PSD3: variants seen among roughly 807,000 people sequenced by gnomAD.
The protein encoded by PSD3 is pleckstrin and Sec7 domain containing 3.
Under a neutral mutation model 105.5 loss-of-function variants are expected in PSD3, and 49 were observed. The ratio of observed to expected loss-of-function variants is 0.46; its 90% CI spans 0.37 to 0.59. The LOEUF (loss-of-function observed/expected upper bound fraction) is 0.59. Ranked by LOEUF, PSD3 falls within the 20% of genes least tolerant of loss-of-function variation. PSD3 has a pLI of 0.00. For synonymous variants in PSD3, 557 were observed against 457.8 expected (o/e 1.22, Z -2.77); for missense variants, 1,561 against 1,263.8 (o/e 1.24, Z -3.57).
At chr8:18,637,852 TATC>T (rs1034832518) in intron 10 of PSD3, among the ~76,000 whole-genome samples, 2 of 152,172 alleles carry the variant, frequency 1.3e-5, no homozygotes, top group African/African-American at 4.8e-5. Context: ...ATTATTCTAT[TATC>T]ATCATTAAGA....
intron 9 of PSD3, among the ~76,000 whole-genome samples, chr8:18,740,317 C>T (rs1266377343): frequency 6.6e-6 from 1 of 152,162 alleles, no homozygotes; most frequent in Non-Finnish European, 1.5e-5. Flanking sequence ...TCTCTCTCTC[C>T]TCGGAATCTG....
intron 1 of PSD3, among the ~76,000 whole-genome samples, chr8:18,963,544 C>A (rs11775276): frequency 0.41 from 61,945 of 151,870 alleles, 12,879 homozygotes; most frequent in African/African-American, 0.43. Context: ...TTCTCTCAAA[C>A]CGATTCAGAG....
chr8:18,545,130 T>A (rs1585209593), intron 15 of PSD3, among the ~76,000 whole-genome samples: 2 of 152,374 alleles, frequency 1.3e-5, no homozygotes, highest in South Asian at 4.1e-4. Context: ...ACTGTTTCTC[T>A]AGCTCTCAAA....
intron 13 of PSD3, among the ~76,000 whole-genome samples, chr8:18,573,175 A>G (rs1344108836): frequency 6.6e-6 from 1 of 152,200 alleles, no homozygotes; most frequent in Non-Finnish European, 1.5e-5. Context: ...AGAGAAATAA[A>G]AACATATAGA....
chr8:18,780,657 C>A (rs1056404169), intron 8 of PSD3, among the ~76,000 whole-genome samples: 2 of 152,026 alleles, frequency 1.3e-5, no homozygotes, highest in Non-Finnish European at 2.9e-5. Context: ...GGGTTCACGC[C>A]ATTCTCCTAC....
At chr8:19,076,347 G>A (rs895243947) in intron 1 of PSD3, among the ~76,000 whole-genome samples, 4 of 152,110 alleles carry the variant, frequency 2.6e-5, no homozygotes, top group Non-Finnish European at 5.9e-5. Flanking sequence ...GGCCTGTAGT[G>A]GATTTAGAAA....
At chr8:18,558,454 C>T (rs1801206790) in intron 14 of PSD3, among the ~76,000 whole-genome samples, 1 of 152,068 alleles carries the variant, frequency 6.6e-6, no homozygotes, top group African/African-American at 2.4e-5. Flanking sequence ...TAAATGGAAA[C>T]TCCCTACACA....
chr8:18,616,077 T>C (rs10106755), intron 11 of PSD3, among the ~76,000 whole-genome samples: 96,859 of 152,116 alleles, frequency 0.64, 31,075 homozygotes, highest in Middle Eastern at 0.78. Flanking sequence ...ACTTCAAGCT[T>C]TGCCTACTGA....
chr8:18,614,933 C>A (rs1203222591), intron 11 of PSD3, among the ~76,000 whole-genome samples: 1 of 151,942 alleles, frequency 6.6e-6, no homozygotes, highest in Non-Finnish European at 1.5e-5. Context: ...ACTGCACAGG[C>A]CTCATAATTC....
chr8:18,960,597 T>C (rs1823853355), intron 1 of PSD3, among the ~76,000 whole-genome samples: 2 of 152,184 alleles, frequency 1.3e-5, no homozygotes, highest in Non-Finnish European at 2.9e-5. Context: ...AGTGACATTG[T>C]TCACACAACA....
At chr8:18,661,435 G>A (rs192101251) in intron 9 of PSD3, among the ~76,000 whole-genome samples, 9 of 152,146 alleles carry the variant, frequency 5.9e-5, no homozygotes, top group Middle Eastern at 3.4e-3. Context: ...AAAAGACACT[G>A]GTTAAAAATT....
chr8:18,870,528 C>A (rs936965287), intron 3 of PSD3, among the ~76,000 whole-genome samples: 5 of 151,954 alleles, frequency 3.3e-5, no homozygotes, highest in African/African-American at 1.2e-4. Context: ...CGGGCCCTGT[C>A]GGGGTGTTGG....
At chr8:18,706,901 T>G (rs1176714269) in intron 9 of PSD3, among the ~76,000 whole-genome samples, 1 of 152,208 alleles carries the variant, frequency 6.6e-6, no homozygotes, top group Non-Finnish European at 1.5e-5. Context: ...AGCATTTATT[T>G]AAATTAATAA....
intron 2 of PSD3, among the ~76,000 whole-genome samples, chr8:18,883,273 C>T (rs1357724780): frequency 1.3e-5 from 2 of 152,164 alleles, no homozygotes; most frequent in Non-Finnish European, 2.9e-5. Flanking sequence ...TGCCTCCTAA[C>T]TCAGAGGTCC....
chr8:18,721,617 C>T (rs2129426911), intron 9 of PSD3, among the ~76,000 whole-genome samples: 1 of 152,222 alleles, frequency 6.6e-6, no homozygotes, highest in Non-Finnish European at 1.5e-5. Flanking sequence ...ACAACAAGAC[C>T]AGAGATGGGC....
intron 10 of PSD3, among the ~76,000 whole-genome samples, chr8:18,637,776 T>G (rs1023381961): frequency 9.9e-5 from 15 of 152,144 alleles, no homozygotes; most frequent in Non-Finnish European, 1.9e-4. Flanking sequence ...AATATAAAAA[T>G]ACAGTACTGC....
At chr8:18,747,997 C>T (rs1444586053) in intron 9 of PSD3, among the ~76,000 whole-genome samples, 1 of 152,040 alleles carries the variant, frequency 6.6e-6, no homozygotes, top group African/African-American at 2.4e-5. Context: ...GTACTAGAAG[C>T]TTTAAGGGCA....
intron 8 of PSD3, among the ~76,000 whole-genome samples, chr8:18,778,575 G>C (rs1180240676): frequency 1.3e-5 from 2 of 151,996 alleles, no homozygotes; most frequent in African/African-American, 4.8e-5. Context: ...TCAGTATGTA[G>C]TTAGCTGCAG....
intron 11 of PSD3, among the ~76,000 whole-genome samples, chr8:18,627,031 A>G (rs1396122565): frequency 6.6e-6 from 1 of 152,028 alleles, no homozygotes. Flanking sequence ...AGTAACTGCT[A>G]TAGAAACTGC....
Sources: allele counts gnomAD v4.1 joint callset (sites outside exome capture counted in the v4.1 genomes callset), GRCh38; gene constraint gnomAD v4.1.1; transcripts MANE v1.5; gene names NCBI Gene and HGNC (gene_info 2026-07-23, HGNC 2026-07-21).